Variants in MCF2L observed in about 807,000 individuals in gnomAD.
MCF2L encodes the protein guanine nucleotide exchange factor DBS.
Under a neutral mutation model 153.4 loss-of-function variants are expected in MCF2L, and 97 were observed. That is an observed-to-expected ratio of 0.63 (90% CI 0.54 to 0.75). The LOEUF (loss-of-function observed/expected upper bound fraction) is 0.75. Ranked by LOEUF, MCF2L falls within the 30% of genes least tolerant of loss-of-function variation. The probability of loss-of-function intolerance (pLI) is 0.00; values close to 1 mark genes in which losing one functional copy is unlikely to be tolerated. For missense variants in MCF2L, 1,347 were observed against 1,495.2 expected, an observed-to-expected ratio of 0.90 and a Z score of 1.64; for synonymous variants, 659 against 632.2, an observed-to-expected ratio of 1.04 and a Z score of -0.64.
rs748147518 is a variant in MCF2L at position 113,094,617 on chromosome 13, G to C, written c.3057G>C (p.Gly1019=). ...INSSDAEEDG[G]LGPKKLVPGK... ...CGTCCGACGCAGAGGAGGACGGCGG[G>C]TTGGGCCCCAAGAAGCTGGTAACCA... The change falls in exon 27 of 30, where the codon GGG becomes GGC. Residue 1019 remains glycine (G), a synonymous_variant. Coordinates refer to ENST00000535094, the MANE Select transcript of MCF2L (RefSeq NM_001112732.3). The C allele has an allele frequency of 6.2e-7, 1 of 1,611,252 alleles. No individual in the cohort carries two copies. The highest frequency in any genetic ancestry group is 1.3e-5 in the African/African-American group (1 of 75,010).
chr13:113,005,504 G>GGTTTGTGGTGGCCGTGGTCT (rs2083632675), intron 1 of MCF2L, among the ~76,000 whole-genome samples: 1 of 151,702 alleles, frequency 6.6e-6, no homozygotes, highest in African/African-American at 2.4e-5. Flanking sequence ...GGCCATGGTT[G>GGTTTGTGGTGGCCGTGGTCT]GTTTGTGGTG....
chr13:113,094,407 C>T (rs943893990), intron 26 of MCF2L, 107 bp from the exon 27 acceptor site: 92 of 1,215,100 alleles, frequency 7.6e-5, no homozygotes, highest in East Asian at 1.1e-4. Context: ...TGGGGGCCCA[C>T]GGCACACATT....
At chr13:112,895,202 G>A (rs1272201132) in intron 1 of MCF2L, among the ~76,000 whole-genome samples, 1 of 152,146 alleles carries the variant, frequency 6.6e-6, no homozygotes, top group Non-Finnish European at 1.5e-5. Context: ...CGGGAGGGCT[G>A]GGCCAGAGGG....
rs887757100 is a variant in MCF2L, at chr13:113,089,958, C to G, written c.2953+230C>G. On this transcript the variant is annotated intron_variant, in intron 26 of 29. Coordinates refer to ENST00000535094, the MANE Select transcript of MCF2L (RefSeq NM_001112732.3). ...GCAAGGCCAGCCCCAGAAGGAGCCT[C>G]GGCCGAGCGTGCAACCCGGAGCCGC... The G allele has an allele frequency of 5.6e-6, 9 of 1,596,788 alleles. No homozygotes were observed. In the African/African-American group the frequency reaches 1.2e-4, roughly 22 times the overall value.
At chr13:113,084,176 C>T (rs949810779) in intron 18 of MCF2L, 109 bp downstream of exon 18, 17 of 949,940 alleles carry the variant, frequency 1.8e-5, no homozygotes, top group South Asian at 1.4e-4. Context: ...TCACAAAATA[C>T]GATGTTTTCA....
intron 1 of MCF2L, among the ~76,000 whole-genome samples, chr13:113,002,949 G>A (rs573912084): frequency 1.0e-3 from 156 of 151,534 alleles, no homozygotes; most frequent in South Asian, 2.1e-3. Flanking sequence ...CTAGAGGATC[G>A]CTTGAGCCCA....
chr13:113,055,663 C>A (rs1048951694), intron 4 of MCF2L, among the ~76,000 whole-genome samples: 1 of 152,212 alleles, frequency 6.6e-6, no homozygotes, highest in South Asian at 2.1e-4. Context: ...CTCTTTGGGG[C>A]TTGCTTCTCG....
intron 2 of MCF2L, among the ~76,000 whole-genome samples, chr13:112,938,493 T>A (rs1488804411): frequency 6.6e-6 from 1 of 152,198 alleles, no homozygotes; most frequent in East Asian, 1.9e-4. Flanking sequence ...GGTCCACATT[T>A]GTTCACAATT....
intron 1 of MCF2L, among the ~76,000 whole-genome samples, chr13:112,981,222 T>C (rs899655029): frequency 2.0e-5 from 3 of 152,046 alleles, no homozygotes; most frequent in Non-Finnish European, 4.4e-5. Context: ...TCCTGAGACA[T>C]CCCCTCACTG....
chr13:113,059,941 A>G (rs938732697), intron 4 of MCF2L, among the ~76,000 whole-genome samples: 1 of 152,240 alleles, frequency 6.6e-6, no homozygotes, highest in Non-Finnish European at 1.5e-5. Flanking sequence ...TCCTGGGGCC[A>G]TGGTAACAAA....
rs976482158 is a variant in MCF2L, at chr13:113,045,147, G to A, written c.279-124G>A. Reference sequence around the variant, plus strand: ...CCCCCGTGTGCCATGCCTCTCACCTGGTATTGCAGAAATGGCATCATGAAT... The same window carrying A: ...CCCCCGTGTGCCATGCCTCTCACCTAGTATTGCAGAAATGGCATCATGAAT... On this transcript the variant is annotated intron_variant, in intron 3 of 29. Transcript: ENST00000535094. The surrounding 1 kb of genome is among the most constrained non-coding windows in gnomAD (Gnocchi z 4.2). 2 of 954,508 alleles carry A rather than the reference G, an allele frequency of 2.1e-6. No individual in the cohort carries two copies. The highest frequency in any genetic ancestry group is 1.7e-6 in the Non-Finnish European group (1 of 595,826). The allele number at this position is 954,508 out of a possible 1,614,324, so 59.1% of individuals were successfully genotyped here.
At chr13:113,058,753 G>A (rs2030788645) in intron 4 of MCF2L, among the ~76,000 whole-genome samples, 1 of 133,502 alleles carries the variant, frequency 7.5e-6, no homozygotes, top group Admixed American at 7.3e-5. Context: ...TGGGCGCTGT[G>A]TGTTTGGGGG....
chr13:113,057,169 G>A (rs2030131427), intron 4 of MCF2L, among the ~76,000 whole-genome samples: 1 of 145,578 alleles, frequency 6.9e-6, no homozygotes, highest in African/African-American at 2.6e-5. Context: ...GAATGTTTGG[G>A]TGCTGAGTAG....
intron 4 of MCF2L, among the ~76,000 whole-genome samples, chr13:113,056,279 G>C: frequency 6.6e-6 from 1 of 150,808 alleles, no homozygotes; most frequent in South Asian, 2.1e-4. Flanking sequence ...TTTGGGTGCT[G>C]TGTGTTTGGG....
chr13:113,022,635 C>T (rs1051605258), intron 2 of MCF2L, among the ~76,000 whole-genome samples: 1 of 152,266 alleles, frequency 6.6e-6, no homozygotes, highest in Non-Finnish European at 1.5e-5. Context: ...GTGCCGCTTG[C>T]CTCGGCTTGT....
At chr13:112,933,155 C>T (rs1254646372) in intron 2 of MCF2L, among the ~76,000 whole-genome samples, 1 of 152,236 alleles carries the variant, frequency 6.6e-6, no homozygotes. Context: ...CCCACAGCCT[C>T]CTGGAGGTCC....
At chr13:113,038,771 A>G (rs118139951) in intron 3 of MCF2L, among the ~76,000 whole-genome samples, 4 of 152,244 alleles carry the variant, frequency 2.6e-5, no homozygotes, top group African/African-American at 9.6e-5. Flanking sequence ...ACAGTGATTA[A>G]CACAGATGGT....
At chr13:112,982,409 A>G (rs2082468095) in intron 1 of MCF2L, among the ~76,000 whole-genome samples, 1 of 152,156 alleles carries the variant, frequency 6.6e-6, no homozygotes, top group South Asian at 2.1e-4. Flanking sequence ...GAAGCCACAG[A>G]GTGGGTGGCA....
At chr13:112,906,114 T>C (rs1380145756) in intron 2 of MCF2L, among the ~76,000 whole-genome samples, 1 of 152,186 alleles carries the variant, frequency 6.6e-6, no homozygotes, top group Non-Finnish European at 1.5e-5. Flanking sequence ...GCTCGCTCGG[T>C]GCGGTCTGAA....
Sources: allele counts gnomAD v4.1 joint callset (sites outside exome capture counted in the v4.1 genomes callset), GRCh38; gene constraint gnomAD v4.1.1; non-coding constraint Gnocchi (gnomAD v3.1); transcripts MANE v1.5; gene names NCBI Gene and HGNC (gene_info 2026-07-23, HGNC 2026-07-21).